Variants in MMS22L observed in about 807,000 individuals in gnomAD.
MMS22L encodes the protein MMS22 like, DNA repair protein, also known as protein MMS22-like.
In MMS22L, 74 loss-of-function variants were observed where a neutral mutation model predicts 159.1. That is an observed-to-expected ratio of 0.47 (90% CI 0.39 to 0.56). The LOEUF (loss-of-function observed/expected upper bound fraction) is 0.56. Among genes scored for constraint, MMS22L ranks in the 20% least tolerant of loss-of-function variants. MMS22L has a pLI of 0.00. For missense variants in MMS22L, 1,351 were observed against 1,422.1 expected (o/e 0.95, Z 0.80); for synonymous variants, 517 against 506.9 (o/e 1.02, Z -0.27).
intron 14 of MMS22L, among the ~76,000 whole-genome samples, chr6:97,200,592 C>T (rs1252832961): frequency 1.3e-5 from 2 of 151,820 alleles, no homozygotes; most frequent in African/African-American, 4.8e-5. Context: ...TTTATCTGCA[C>T]ATCAAAAAAG....
In MMS22L at chr6:97,167,200, T is replaced by C. The variant is rs1204822166; in HGVS notation, c.3009+871A>G. Among the ~76,000 whole-genome samples, 4 of 152,038 alleles carry C rather than the reference T, an allele frequency of 2.6e-5. 1 individual carries two copies. The South Asian group carries it at 8.3e-4, about 31-fold the overall frequency. On this transcript the variant is annotated intron_variant, in intron 20 of 24. Transcript: ENST00000683635. Reference sequence around the variant, plus strand: ...ACTAAAGCTGCTCAGAAACCAATCCTTACCTTCATCCCGACATCTCCAGGA... The same window carrying C: ...ACTAAAGCTGCTCAGAAACCAATCCCTACCTTCATCCCGACATCTCCAGGA...
At chr6:97,246,553 G>T in intron 11 of MMS22L, 75 bp downstream of exon 11, 1 of 1,171,080 alleles carries the variant, frequency 8.5e-7, no homozygotes, top group Non-Finnish European at 1.2e-6. Context: ...TTAACAGCTT[G>T]CTTGGTTTTA....
Position 97,162,536 on chromosome 6 carries a change from C to T in MMS22L, c.3222-371G>A, listed in dbSNP as rs577579012. Among the ~76,000 whole-genome samples the T allele has an allele frequency of 4.8e-4, 73 of 151,902 alleles. 1 individual carries two copies. The highest frequency in any genetic ancestry group is 1.7e-3 in the African/African-American group (71 of 41,466). ...TGGGTCCTCAATGCCGCAACATTTT[C>T]TCTAATGTCAAATTTGCATAAAGAA... On this transcript the variant is annotated intron_variant, in intron 21 of 24. Transcript: ENST00000683635.
At chr6:97,193,488 A>G (rs1806108835) in intron 14 of MMS22L, among the ~76,000 whole-genome samples, 1 of 152,228 alleles carries the variant, frequency 6.6e-6, no homozygotes, top group South Asian at 2.1e-4. Context: ...GATGATTATG[A>G]GTATAAAATT....
At chr6:97,254,362 A>AT in intron 10 of MMS22L, 195 bp downstream of exon 10, 10 of 538,206 alleles carry the variant, frequency 1.9e-5, no homozygotes, top group Non-Finnish European at 3.2e-5. Context: ...TCTACAAGTA[A>AT]TTTTTTTTAA....
chr6:97,181,977 G>C lies in MMS22L; in HGVS notation c.2311C>G (p.Gln771Glu). The C allele has an allele frequency of 1.2e-6, 2 of 1,613,760 alleles. No homozygotes were observed. The highest frequency in any genetic ancestry group is 2.2e-5 in the East Asian group (1 of 44,850). Residue 771 changes from glutamine (Q) to glutamate (E), a missense_variant, in exon 16 of 25, where the codon CAA becomes GAA. Gln to Glu is a conservative substitution (Grantham distance 29). Transcript: ENST00000683635. ...FQPQPVISII[Q>E]LFGWDDIICP... is the part of the protein sequence containing the mutation. ...ATGATATCATCCCAACCAAAAAGTT[G>C]AATAATTGATATAACTGGCTGAGGC...
intron 8 of MMS22L, chr6:97,267,341 T>A (rs1217164224): frequency 6.6e-6 from 1 of 152,074 alleles, no homozygotes; most frequent in East Asian, 1.9e-4. Context: ...AAAATAAACA[T>A]GTTCTGTAGC....
intron 13 of MMS22L, chr6:97,230,677 C>T (rs946821704): frequency 6.6e-6 from 1 of 151,948 alleles, no homozygotes; most frequent in Non-Finnish European, 1.5e-5. Flanking sequence ...GATTCAAAAA[C>T]AAACTGTCAA....
At chr6:97,224,384 T>C (rs1809993886) in intron 14 of MMS22L, among the ~76,000 whole-genome samples, 1 of 152,200 alleles carries the variant, frequency 6.6e-6, no homozygotes, top group Admixed American at 6.5e-5. Flanking sequence ...ACTTTGGCTT[T>C]AATGCTAAAG....
At chr6:97,151,386 T>G (rs1044552888) in intron 23 of MMS22L, among the ~76,000 whole-genome samples, 1 of 152,186 alleles carries the variant, frequency 6.6e-6, no homozygotes, top group African/African-American at 2.4e-5. Context: ...GGCCATACCA[T>G]ATAGCTTAGG....
chr6:97,211,644 T>G (rs953356899), intron 14 of MMS22L, among the ~76,000 whole-genome samples: 2 of 152,184 alleles, frequency 1.3e-5, no homozygotes, highest in African/African-American at 4.8e-5. Context: ...TATTTTTTCA[T>G]ATTAAAATAT....
In MMS22L at chr6:97,282,412, T is replaced by C. The variant is rs898979178; in HGVS notation, c.66A>G (p.Glu22=). 3 of 1,613,906 alleles carry C rather than the reference T, an allele frequency of 1.9e-6. No homozygotes were observed. Among genetic ancestry groups the C allele is most frequent in the African/African-American group, 1.3e-5 (1 of 74,896 alleles). ...TDSLELELGT[E]WCKPPYFSCA... is the part of the protein sequence containing the mutation. ...AAGAAAAGTAAGGAGGTTTGCACCATTCCGTCCCCAGCTCCAGCTCTAAGC... is the reference window on the plus strand; with the variant it reads ...AAGAAAAGTAAGGAGGTTTGCACCACTCCGTCCCCAGCTCCAGCTCTAAGC... The change falls in exon 2 of 25, where the codon GAA becomes GAG. Residue 22 remains glutamate (E), a synonymous_variant. Coordinates refer to ENST00000683635, the MANE Select transcript of MMS22L (RefSeq NM_001350599.2).
At chr6:97,199,655 G>A (rs1806929886) in intron 14 of MMS22L, among the ~76,000 whole-genome samples, 1 of 150,978 alleles carries the variant, frequency 6.6e-6, no homozygotes. Context: ...TGCCAATTGT[G>A]TTAATGGATC....
Position 97,229,154 on chromosome 6 carries a change from C to A in MMS22L, c.1779G>T (p.Glu593Asp), listed in dbSNP as rs145166533. 2 of 1,614,000 alleles carry A rather than the reference C, an allele frequency of 1.2e-6. No individual in the cohort carries two copies. Among genetic ancestry groups the A allele is most frequent in the African/African-American group, 2.7e-5 (2 of 74,926 alleles). Residue 593 changes from glutamate to aspartate, a missense_variant, in exon 14 of 25, where the codon GAG becomes GAT. Transcript: ENST00000683635. ...QKNLDIGVLA[E>D]KFSCAFREKA... The stretch of plus-strand genomic sequence containing the variant: ...TCTCCCGGAAAGCACATGAAAATTT[C>A]TCAGCCAAAACACCAATGTCCAGAT...
At chr6:97,217,445 G>A (rs1809140558) in intron 14 of MMS22L, among the ~76,000 whole-genome samples, 1 of 152,004 alleles carries the variant, frequency 6.6e-6, no homozygotes, top group Non-Finnish European at 1.5e-5. Flanking sequence ...AGTAGAGGTG[G>A]GGTTTCGCCG....
intron 10 of MMS22L, chr6:97,253,613 C>T (rs1330604648): frequency 6.6e-6 from 1 of 152,160 alleles, no homozygotes; most frequent in African/African-American, 2.4e-5. Flanking sequence ...GTGTGCGTCA[C>T]CATGCCCTGC....
At position 97,143,714 on chromosome 6, in the gene MMS22L, C is replaced by G. The variant is rs1204535592; in HGVS notation, c.*3092G>C. The stretch of plus-strand genomic sequence containing the variant: ...CCTCTGACATTTCAAGGCTAAATAA[C>G]TTAGGACAATAGTGTATTCCCTGGG... On this transcript the variant is annotated 3_prime_UTR_variant, in exon 25 of 25. Coordinates refer to ENST00000683635, the MANE Select transcript of MMS22L (RefSeq NM_001350599.2). 1.3e-5 allele frequency: 2 copies of G among 152,058 alleles called. No homozygotes were observed. The highest frequency in any genetic ancestry group is 3.9e-4 in the East Asian group (2 of 5,178). The allele number at this position is 152,058 out of a possible 1,614,324, so 9.4% of individuals were successfully genotyped here. A position where few individuals can be genotyped will look rare whatever the true frequency, so the allele number is the denominator to read the frequency against.
At chr6:97,240,056 G>A (rs561044516) in intron 11 of MMS22L, among the ~76,000 whole-genome samples, 1 of 152,292 alleles carries the variant, frequency 6.6e-6, no homozygotes, top group African/African-American at 2.4e-5. Context: ...TCAAGTCAAA[G>A]TACATGACCA....
At position 97,153,337 on chromosome 6, in the gene MMS22L, C is replaced by G. The variant is rs1052678875; in HGVS notation, c.3386-1470G>C. 3.3e-5 allele frequency among the ~76,000 whole-genome samples: 5 copies of G among 149,968 alleles called. No individual in the cohort carries two copies. The East Asian group carries it at 9.8e-4, about 29-fold the overall frequency. ...TATCCCGATTCCTTCTAAGCAATCC[C>G]TTAACCTACTTTCTGTCTCTACAGA... On this transcript the variant is annotated intron_variant, in intron 22 of 24. Coordinates refer to ENST00000683635, the MANE Select transcript of MMS22L (RefSeq NM_001350599.2).
Sources: gnomAD v4.1 joint callset for allele counts (sites outside exome capture counted in the v4.1 genomes callset) on GRCh38, gnomAD v4.1.1 for gene constraint, MANE v1.5 for transcripts, NCBI Gene and HGNC (gene_info 2026-07-23, HGNC 2026-07-21) for gene names.